The following ARMC2 variants were observed in gnomAD, a reference collection of about 807,000 sequenced individuals.
ARMC2 encodes the protein armadillo repeat-containing protein 2.
In ARMC2, 67 loss-of-function variants were observed where a neutral mutation model predicts 90.3. The ratio of observed to expected loss-of-function variants is 0.74; its 90% confidence interval spans 0.61 to 0.91. The LOEUF (loss-of-function observed/expected upper bound fraction) is 0.91, where lower values mean the gene tolerates loss of function less well. Ranked by LOEUF, ARMC2 falls within the 40% of genes least tolerant of loss-of-function variation. The pLI is 0.00. For missense variants in ARMC2, 920 were observed against 1,030.9 expected, an observed-to-expected ratio of 0.89 and a Z score of 1.47; for synonymous variants, 393 against 393.0, an observed-to-expected ratio of 1.00 and a Z score of 0.00.
chr6:109,017,380 G>A, the ARMC2 span, among the ~76,000 whole-genome samples: 20 of 152,042 alleles, frequency 1.3e-4, no homozygotes, highest in African/African-American at 4.6e-4. Context: ...CCACTGCCCG[G>A]GTTCACACCA....
chr6:109,021,873 C>A, the ARMC2 span, among the ~76,000 whole-genome samples: 3 of 152,086 alleles, frequency 2.0e-5, no homozygotes, highest in African/African-American at 7.2e-5. Flanking sequence ...GACTTTTAAA[C>A]CCTAATAATT....
chr6:108,932,740 G>C (rs1775674127), intron 11 of ARMC2, among the ~76,000 whole-genome samples: 1 of 151,846 alleles, frequency 6.6e-6, no homozygotes, highest in East Asian at 1.9e-4. Flanking sequence ...GTGTTAGCCA[G>C]GATGGTCTCG....
Position 108,965,093 on chromosome 6 carries a change from G to T in ARMC2, c.2399G>T (p.Gly800Val). ...ATCACTAATGCTTCGTCATGTTTTG[G>T]AAATGAAGACACCAACACACTCTTA... ...ENITNASSCFGNEDTNTLLLL... is the reference protein window; with the variant it reads ...ENITNASSCFVNEDTNTLLLL... Residue 800 changes from glycine (G) to valine (V), a missense_variant, in exon 17 of 18, where the codon GGA (glycine) becomes GTA (valine). Transcript: ENST00000392644. 2 of 1,613,626 alleles carry T rather than the reference G, an allele frequency of 1.2e-6. No individual in the cohort carries two copies. Among genetic ancestry groups the T allele is most frequent in the Non-Finnish European group, 1.7e-6 (2 of 1,179,606 alleles).
chr6:108,901,182 C>T (rs1324916849), intron 7 of ARMC2, among the ~76,000 whole-genome samples: 20 of 127,952 alleles, frequency 1.6e-4, no homozygotes, highest in Non-Finnish European at 2.7e-4. Context: ...GGCGCAATCT[C>T]GGCTCACTGC....
At chr6:108,857,815 A>G (rs1461258626) in intron 2 of ARMC2, among the ~76,000 whole-genome samples, 2 of 152,150 alleles carry the variant, frequency 1.3e-5, no homozygotes, top group Admixed American at 1.3e-4. Context: ...ATTGATTTTC[A>G]AGGTAGTTGT....
the ARMC2 span, among the ~76,000 whole-genome samples, chr6:109,028,261 A>T: frequency 6.6e-6 from 1 of 152,188 alleles, no homozygotes; most frequent in Non-Finnish European, 1.5e-5. Flanking sequence ...AGGGAATGGG[A>T]TTATGGGTGA....
Position 108,937,748 on chromosome 6 carries a change from GCAGTGGCGATATCTTGGCTCACTGC to G in ARMC2, c.1596+750_1596+774del, listed in dbSNP as rs1399561492. On this transcript the variant is annotated intron_variant, in intron 12 of 17. Coordinates refer to ENST00000392644, the MANE Select transcript of ARMC2 (RefSeq NM_032131.6). Reference sequence around the variant, plus strand: ...CTCACTCTGTCACCCAGGCTGGAGTGCAGTGGCGATATCTTGGCTCACTGCAAGCTCCACCTCCTGGGTTCACGCC... The same window carrying G: ...CTCACTCTGTCACCCAGGCTGGAGTGAAGCTCCACCTCCTGGGTTCACGCC... Among the ~76,000 whole-genome samples the G allele has an allele frequency of 2.6e-4, 39 of 152,158 alleles. 1 individual carries two copies. Among genetic ancestry groups the G allele is most frequent in the African/African-American group, 8.4e-4 (35 of 41,490 alleles).
the ARMC2 span, among the ~76,000 whole-genome samples, chr6:109,025,777 C>T: frequency 6.6e-6 from 1 of 151,752 alleles, no homozygotes; most frequent in Admixed American, 6.6e-5. Flanking sequence ...GAATATAGCA[C>T]ATACAGCAAA....
chr6:108,915,514 G>A (rs1016640731), intron 10 of ARMC2, among the ~76,000 whole-genome samples: 2 of 152,172 alleles, frequency 1.3e-5, no homozygotes, highest in African/African-American at 4.8e-5. Context: ...CAGCGTTAGA[G>A]TCATCTTGTT....
chr6:108,902,047 A>G (rs2806374), intron 7 of ARMC2, among the ~76,000 whole-genome samples: 143,346 of 152,296 alleles, frequency 0.94, 67,893 homozygotes, highest in Non-Finnish European at 1. Context: ...ATGCTGATGC[A>G]TTCTGTTGCT....
chr6:109,000,572 A>C, the ARMC2 span: 4 of 1,612,424 alleles, frequency 2.5e-6, no homozygotes, highest in African/African-American at 2.7e-5. Flanking sequence ...GTTTTTGAGG[A>C]GCATTCTCTA....
chr6:108,965,940 A>C (rs1017566088), intron 17 of ARMC2, among the ~76,000 whole-genome samples: 1 of 151,332 alleles, frequency 6.6e-6, no homozygotes, highest in Non-Finnish European at 1.5e-5. Context: ...GGTGTGAACC[A>C]CCTTGCCTGG....
chr6:108,944,338 G>C lies in ARMC2; in HGVS notation c.1596+7339G>C, dbSNP rs1057332817. Among the ~76,000 whole-genome samples the C allele has an allele frequency of 2.0e-5, 3 of 152,326 alleles. No individual in the cohort carries two copies. The East Asian group carries it at 5.8e-4, about 29-fold the overall frequency. On this transcript the variant is annotated intron_variant, in intron 12 of 17. Transcript: ENST00000392644. ...AATGATTTCTTAGCTGGAGAACACA[G>C]GATGGTACATTAGTCTTTTCCACAA...
intron 10 of ARMC2, among the ~76,000 whole-genome samples, chr6:108,913,678 G>T (rs754797887): frequency 2.0e-5 from 3 of 152,068 alleles, no homozygotes; most frequent in Non-Finnish European, 4.4e-5. Flanking sequence ...CATTTTGGTG[G>T]TCATTTATAT....
chr6:108,964,002 G>T (rs1227865667), intron 15 of ARMC2, among the ~76,000 whole-genome samples, 178 bp from the exon 16 acceptor site: 2 of 152,176 alleles, frequency 1.3e-5, no homozygotes, highest in African/African-American at 4.8e-5. Flanking sequence ...GGGAGTGGTG[G>T]GTATTGGGGA....
At chr6:109,022,018 G>A in the ARMC2 span, among the ~76,000 whole-genome samples, 1 of 151,744 alleles carries the variant, frequency 6.6e-6, no homozygotes, top group African/African-American at 2.4e-5. Flanking sequence ...CAGTCAACCA[G>A]TGTTAATTAA....
At position 108,888,410 on chromosome 6, in the gene ARMC2, G is replaced by A. The variant is rs115128913; in HGVS notation, c.672-6057G>A. ...AAAACTTACCCGAGGTCACACGGCTGTAAGTGGTCGGACCATGGGATTTAA... is the reference window on the plus strand; with the variant it reads ...AAAACTTACCCGAGGTCACACGGCTATAAGTGGTCGGACCATGGGATTTAA... On this transcript the variant is annotated intron_variant, in intron 5 of 17. Coordinates refer to ENST00000392644, the MANE Select transcript of ARMC2 (RefSeq NM_032131.6). 4.2e-3 allele frequency among the ~76,000 whole-genome samples: 637 copies of A among 152,316 alleles called. 3 individuals carry two copies. The highest frequency in any genetic ancestry group is 0.014 in the African/African-American group (597 of 41,570).
the ARMC2 span, among the ~76,000 whole-genome samples, chr6:109,006,208 C>G: frequency 2.0e-5 from 3 of 152,100 alleles, no homozygotes; most frequent in East Asian, 5.8e-4. Context: ...ATGAAAAAGT[C>G]AAGAGTCTTA....
chr6:108,849,393 C>T (rs1484694825), intron 1 of ARMC2, among the ~76,000 whole-genome samples: 1 of 152,084 alleles, frequency 6.6e-6, no homozygotes, highest in Non-Finnish European at 1.5e-5. Context: ...AGGCAAGTAC[C>T]ACCACCCACC....
Sources: gnomAD v4.1 joint callset for allele counts (sites outside exome capture counted in the v4.1 genomes callset) on GRCh38, gnomAD v4.1.1 for gene constraint, MANE v1.5 for transcripts, NCBI Gene and HGNC (gene_info 2026-07-23, HGNC 2026-07-21) for gene names.